Variants in FAM227B observed in about 807,000 individuals in gnomAD.
The protein encoded by FAM227B is family with sequence similarity 227 member B.
FAM227B carries 88 observed loss-of-function variants against 73.8 expected under a neutral mutation model. That is an observed-to-expected ratio of 1.19 (90% CI 1.00 to 1.42). The LOEUF (loss-of-function observed/expected upper bound fraction) is 1.42. Ranked by LOEUF, FAM227B falls within the 40% of genes most tolerant of loss-of-function variation. The probability of loss-of-function intolerance (pLI) is 0.00; values close to 1 mark genes in which losing one functional copy is unlikely to be tolerated. For missense variants in FAM227B, 632 were observed against 590.9 expected (o/e 1.07, Z -0.72); for synonymous variants, 210 against 190.5 (o/e 1.10, Z -0.84).
At chr15:49,349,248 TACTC>T (rs905005747) in intron 13 of FAM227B, among the ~76,000 whole-genome samples, 24 of 152,188 alleles carry the variant, frequency 1.6e-4, no homozygotes, top group Non-Finnish European at 2.6e-4. Context: ...ACAATACTCA[TACTC>T]ATTCATGTGA....
At chr15:49,527,235 T>C (rs1335968442) in intron 10 of FAM227B, among the ~76,000 whole-genome samples, 1 of 151,904 alleles carries the variant, frequency 6.6e-6, no homozygotes, top group East Asian at 1.9e-4. Flanking sequence ...TGGCTCAAGA[T>C]ATGAAAATCA....
chr15:49,534,622 C>T (rs1477359965), intron 10 of FAM227B, among the ~76,000 whole-genome samples: 1 of 151,580 alleles, frequency 6.6e-6, no homozygotes, highest in East Asian at 1.9e-4. Flanking sequence ...CATATACAGA[C>T]TATTCCATCC....
At chr15:49,354,757 C>A (rs2042831836) in intron 13 of FAM227B, among the ~76,000 whole-genome samples, 1 of 152,104 alleles carries the variant, frequency 6.6e-6, no homozygotes, top group African/African-American at 2.4e-5. Flanking sequence ...GGAGGCCTGC[C>A]TGCCTCTGTA....
chr15:49,611,291 G>A (rs1217016993), intron 2 of FAM227B, 23 bp from the exon 3 acceptor site: 5 of 1,411,898 alleles, frequency 3.5e-6, no homozygotes, highest in South Asian at 1.2e-5. Flanking sequence ...TATCAACATT[G>A]TTCATTGGCA....
At chr15:49,393,008 A>G (rs765304697) in intron 11 of FAM227B, among the ~76,000 whole-genome samples, 9 of 152,176 alleles carry the variant, frequency 5.9e-5, no homozygotes, top group Non-Finnish European at 8.8e-5. Flanking sequence ...TCCTACCACT[A>G]TGAAAATCAT....
Position 49,537,171 on chromosome 15 carries a change from ACTAT to A in FAM227B, c.874+4505_874+4508del, listed in dbSNP as rs556175889. ...AAATATATTGACAAATAATATTACT[ACTAT>A]CTATTAATTGTAATATCTATAATTT... On this transcript the variant is annotated intron_variant, in intron 10 of 15. Coordinates refer to ENST00000299338, the MANE Select transcript of FAM227B (RefSeq NM_152647.3). Among the ~76,000 whole-genome samples, 220 of 152,248 alleles carry A rather than the reference ACTAT, an allele frequency of 1.4e-3. 1 individual carries two copies. The highest frequency in any genetic ancestry group is 4.9e-3 in the African/African-American group (205 of 41,574).
At chr15:49,593,642 T>C (rs1004855830) in intron 3 of FAM227B, among the ~76,000 whole-genome samples, 1 of 152,042 alleles carries the variant, frequency 6.6e-6, no homozygotes, top group Admixed American at 6.6e-5. Context: ...CTTATGCTTT[T>C]GTGTCCTCAT....
At chr15:49,560,601 T>G (rs2074169220) in intron 9 of FAM227B, among the ~76,000 whole-genome samples, 1 of 152,120 alleles carries the variant, frequency 6.6e-6, no homozygotes, top group Admixed American at 6.5e-5. Flanking sequence ...TCAATGCTAA[T>G]AAAAGTATCT....
chr15:49,590,044 C>A, intron 3 of FAM227B, 37 bp from the exon 4 acceptor site: 1 of 1,046,008 alleles, frequency 9.6e-7, no homozygotes, highest in South Asian at 1.3e-5. Context: ...TAGCTTAAGT[C>A]ATTTTTAATG....
At chr15:49,352,156 G>C (rs1400946076) in intron 13 of FAM227B, among the ~76,000 whole-genome samples, 1 of 152,142 alleles carries the variant, frequency 6.6e-6, no homozygotes, top group Non-Finnish European at 1.5e-5. Flanking sequence ...GTCTGAACTT[G>C]TTACTCATAT....
intron 13 of FAM227B, among the ~76,000 whole-genome samples, chr15:49,337,461 CAT>C (rs1020976766): frequency 1.6e-4 from 18 of 113,364 alleles, no homozygotes; most frequent in African/African-American, 6.2e-4. Context: ...AGCATTTTTG[CAT>C]ATGTTTGTTG....
At chr15:49,482,192 G>C (rs2056016004) in intron 11 of FAM227B, among the ~76,000 whole-genome samples, 1 of 151,912 alleles carries the variant, frequency 6.6e-6, no homozygotes, top group Non-Finnish European at 1.5e-5. Context: ...TTGCATAAAA[G>C]TACATTAAAA....
chr15:49,593,929 C>A (rs2152417900), intron 3 of FAM227B, among the ~76,000 whole-genome samples: 1 of 152,190 alleles, frequency 6.6e-6, no homozygotes, highest in African/African-American at 2.4e-5. Flanking sequence ...GACTTCTTTT[C>A]CTCTGGGTAC....
intron 13 of FAM227B, among the ~76,000 whole-genome samples, chr15:49,366,911 T>C (rs1253317713): frequency 6.6e-6 from 1 of 152,212 alleles, no homozygotes; most frequent in African/African-American, 2.4e-5. Context: ...AGAAAAGTTA[T>C]ACTGAAGATA....
chr15:49,608,692 T>C (rs2077684049), intron 3 of FAM227B, among the ~76,000 whole-genome samples: 1 of 152,062 alleles, frequency 6.6e-6, no homozygotes, highest in Non-Finnish European at 1.5e-5. Context: ...TTCTCTATCA[T>C]AAAATAATTT....
At chr15:49,581,663 A>G (rs1484974260) in intron 5 of FAM227B, among the ~76,000 whole-genome samples, 1 of 152,184 alleles carries the variant, frequency 6.6e-6, no homozygotes, top group African/African-American at 2.4e-5. Flanking sequence ...AGAATTTCGT[A>G]TCTAGCCAAA....
At chr15:49,581,066 T>C (rs2075779009) in intron 5 of FAM227B, among the ~76,000 whole-genome samples, 1 of 152,164 alleles carries the variant, frequency 6.6e-6, no homozygotes, top group Non-Finnish European at 1.5e-5. Context: ...ACATCATCCA[T>C]GATAATTTCC....
At chr15:49,554,216 AGAAG>A (rs1288871188) in intron 9 of FAM227B, among the ~76,000 whole-genome samples, 3 of 152,066 alleles carry the variant, frequency 2.0e-5, no homozygotes, top group East Asian at 1.9e-4. Context: ...TTCCTCTAGC[AGAAG>A]GAAGGGGTCT....
intron 11 of FAM227B, among the ~76,000 whole-genome samples, chr15:49,382,609 G>T (rs1490484024): frequency 6.6e-6 from 1 of 152,026 alleles, no homozygotes; most frequent in African/African-American, 2.4e-5. Flanking sequence ...AGCAGAAGTG[G>T]CAACAAAATG....
Sources: allele counts gnomAD v4.1 joint callset (sites outside exome capture counted in the v4.1 genomes callset), GRCh38; gene constraint gnomAD v4.1.1; transcripts MANE v1.5; gene names NCBI Gene and HGNC (gene_info 2026-07-23, HGNC 2026-07-21).